Variants in COMMD1 observed in about 807,000 individuals in gnomAD.
The protein encoded by COMMD1 is COMM domain-containing protein 1.
A neutral mutation model predicts 17.2 loss-of-function variants in COMMD1; 10 were observed. The observed-to-expected ratio is 0.58, with a 90% CI of 0.36 to 0.99. The LOEUF is 0.99. Among genes scored for constraint, COMMD1 ranks in the 50% least tolerant of loss-of-function variants. The pLI is 0.01. For synonymous variants in COMMD1, 97 were observed against 91.6 expected (o/e 1.06, Z -0.34); for missense variants, 270 against 231.8 (o/e 1.17, Z -1.07).
In COMMD1 at chr2:61,919,266, C is replaced by G. The variant is rs562814439; in HGVS notation, c.180+13408C>G. ...AGCTCAGGTGATGTGCCCGCCTCGG[C>G]CTCCCAAAGTGCTGGGATTACAGGC... is the stretch of plus-strand genomic sequence containing the variant. On this transcript the variant is annotated intron_variant, in intron 1 of 2. Transcript: ENST00000311832. Among the ~76,000 whole-genome samples the G allele has an allele frequency of 1.3e-3, 192 of 152,278 alleles. 1 individual carries two copies. The highest frequency in any genetic ancestry group is 3.0e-3 in the African/African-American group (126 of 41,572).
At chr2:61,994,987 TG>T (rs1260207336) in intron 1 of COMMD1, among the ~76,000 whole-genome samples, 1 of 152,154 alleles carries the variant, frequency 6.6e-6, no homozygotes, top group Non-Finnish European at 1.5e-5. Flanking sequence ...AGGCTTACCC[TG>T]GGGACTAAGT....
chr2:61,934,355 G>T lies in COMMD1; in HGVS notation c.180+28497G>T, dbSNP rs150668250. 5.8e-4 allele frequency among the ~76,000 whole-genome samples: 88 copies of T among 152,238 alleles called. 1 individual carries two copies. Among genetic ancestry groups the T allele is most frequent in the African/African-American group, 2.0e-3 (82 of 41,550 alleles). ...AGGCTTGAGGGAAAACTCATTTAGA[G>T]CCTTGAATGCTCATCTAGAGTATCA... On this transcript the variant is annotated intron_variant, in intron 1 of 2. Coordinates refer to ENST00000311832, the MANE Select transcript of COMMD1 (RefSeq NM_152516.4).
intron 1 of COMMD1, among the ~76,000 whole-genome samples, chr2:61,979,160 C>T (rs980584947): frequency 2.0e-4 from 31 of 152,248 alleles, no homozygotes; most frequent in African/African-American, 7.2e-4. Context: ...TACCCTCTTT[C>T]TCCCTGAGTT....
intron 1 of COMMD1, among the ~76,000 whole-genome samples, chr2:61,983,239 G>A (rs1344538995): frequency 6.7e-6 from 1 of 150,268 alleles, no homozygotes; most frequent in Non-Finnish European, 1.5e-5. Context: ...GCCCAGGTTG[G>A]AGTGCAGTGG....
intron 1 of COMMD1, among the ~76,000 whole-genome samples, chr2:61,907,448 A>C (rs1352965660): frequency 1.3e-5 from 2 of 152,120 alleles, no homozygotes; most frequent in Admixed American, 1.3e-4. Flanking sequence ...TGAGCAGTCC[A>C]AGAGAGTTTC....
chr2:62,054,479 TGTA>T (rs1670632223), intron 2 of COMMD1, among the ~76,000 whole-genome samples: 1 of 152,050 alleles, frequency 6.6e-6, no homozygotes, highest in East Asian at 1.9e-4. Flanking sequence ...ATAAAGAAAA[TGTA>T]GTACATATAT....
chr2:62,065,041 A>C (rs1670989281), intron 2 of COMMD1, among the ~76,000 whole-genome samples: 1 of 152,060 alleles, frequency 6.6e-6, no homozygotes, highest in South Asian at 2.1e-4. Context: ...GGCGGCAAGC[A>C]CCTGTAATCC....
chr2:61,897,998 T>A (rs1485204663), intron 1 of COMMD1, among the ~76,000 whole-genome samples: 5 of 152,226 alleles, frequency 3.3e-5, no homozygotes, highest in African/African-American at 9.6e-5. Flanking sequence ...TAATGGAATC[T>A]TCTTCTACCA....
chr2:61,970,466 A>G (rs1356295477), intron 1 of COMMD1, among the ~76,000 whole-genome samples: 1 of 152,112 alleles, frequency 6.6e-6, no homozygotes, highest in Non-Finnish European at 1.5e-5. Context: ...ACTCTCCCAT[A>G]TACTTTAAAT....
At chr2:61,960,064 G>A (rs781073243) in intron 1 of COMMD1, among the ~76,000 whole-genome samples, 25 of 152,272 alleles carry the variant, frequency 1.6e-4, no homozygotes, top group Middle Eastern at 3.4e-3. Context: ...GGCTTGTCTA[G>A]TTTTGTCCAG....
chr2:62,126,364 T>C (rs1330404212), intron 2 of COMMD1, among the ~76,000 whole-genome samples: 1 of 152,196 alleles, frequency 6.6e-6, no homozygotes, highest in Admixed American at 6.5e-5. Flanking sequence ...TCCACAATGG[T>C]TGGACTAATT....
chr2:61,992,771 A>G lies in COMMD1; in HGVS notation c.181-7930A>G, dbSNP rs115303017. On this transcript the variant is annotated intron_variant, in intron 1 of 2. Coordinates refer to ENST00000311832, the MANE Select transcript of COMMD1 (RefSeq NM_152516.4). ...GGAGGGCAATACTACCTGGTTGAGA[A>G]CCACTGTTTTGGTTTATCAGTTTTC... 7.6e-3 allele frequency among the ~76,000 whole-genome samples: 1,152 copies of G among 152,198 alleles called. 22 individuals carry two copies. Among genetic ancestry groups the G allele is most frequent in the African/African-American group, 0.026 (1,079 of 41,520 alleles).
chr2:61,947,752 A>G (rs1670947537), intron 1 of COMMD1, among the ~76,000 whole-genome samples: 1 of 132,910 alleles, frequency 7.5e-6, no homozygotes, highest in Admixed American at 7.8e-5. Context: ...GGGGTACTGT[A>G]TGTTGCCCAG....
intron 2 of COMMD1, among the ~76,000 whole-genome samples, chr2:62,084,288 G>A (rs922369846): frequency 1.3e-5 from 2 of 152,164 alleles, no homozygotes; most frequent in Admixed American, 1.3e-4. Context: ...GCCAGAAGTA[G>A]TTAAGTTCTA....
chr2:62,047,927 C>A (rs933310632), intron 2 of COMMD1, among the ~76,000 whole-genome samples: 7 of 152,200 alleles, frequency 4.6e-5, no homozygotes, highest in African/African-American at 1.2e-4. Context: ...CAGGTTTATA[C>A]CCTAGGAGCA....
chr2:62,039,198 C>G (rs1670117819), intron 2 of COMMD1, among the ~76,000 whole-genome samples: 1 of 152,156 alleles, frequency 6.6e-6, no homozygotes, highest in South Asian at 2.1e-4. Context: ...GGGTTGGATG[C>G]TATTTCCTGT....
At chr2:62,003,666 A>C (rs1386450107) in intron 2 of COMMD1, among the ~76,000 whole-genome samples, 1 of 151,800 alleles carries the variant, frequency 6.6e-6, no homozygotes, top group East Asian at 1.9e-4. Context: ...AAGTTTAATA[A>C]GTACACTTGG....
intron 2 of COMMD1, among the ~76,000 whole-genome samples, chr2:62,033,730 T>C (rs777678357): frequency 7.2e-5 from 11 of 152,196 alleles, no homozygotes; most frequent in Non-Finnish European, 1.5e-4. Flanking sequence ...TTATATTAGA[T>C]AGCACATTAG....
At position 62,136,030 on chromosome 2, in the gene COMMD1, G is replaced by C. The variant is rs529035967; in HGVS notation, c.*89G>C. The C allele has an allele frequency of 1.3e-6, 1 of 748,612 alleles. No homozygotes were observed. The highest frequency in any genetic ancestry group is 1.7e-5 in the African/African-American group (1 of 58,214). 46.4% of individuals were successfully genotyped at this position (748,612 alleles called of 1,614,324 possible). ...CTTTTCTAAGAAAATTCTTGTGCCC[G>C]CATTGGTATTAAATCCTCGCATTCA... is the stretch of plus-strand genomic sequence containing the variant. On this transcript the variant is annotated 3_prime_UTR_variant, in exon 3 of 3. Transcript: ENST00000311832.
Sources: gnomAD v4.1 joint callset for allele counts (sites outside exome capture counted in the v4.1 genomes callset) on GRCh38, gnomAD v4.1.1 for gene constraint, MANE v1.5 for transcripts, NCBI Gene and HGNC (gene_info 2026-07-23, HGNC 2026-07-21) for gene names.